Variants in LRRC3B observed in about 807,000 individuals in gnomAD.
LRRC3B encodes leucine rich repeat containing 3B.
LRRC3B carries 2 observed loss-of-function variants against 12.8 expected under a neutral mutation model. The ratio of observed to expected loss-of-function variants is 0.16; its 90% CI spans 0.06 to 0.49. The LOEUF (loss-of-function observed/expected upper bound fraction) is 0.49, where lower values mean the gene tolerates loss of function less well. Among genes scored for constraint, LRRC3B ranks in the 20% least tolerant of loss-of-function variants. The pLI, the probability that LRRC3B is intolerant of heterozygous loss-of-function variation, is 0.96. For synonymous variants in LRRC3B, 132 were observed against 122.0 expected (o/e 1.08, Z -0.54); for missense variants, 189 against 319.4 (o/e 0.59, Z 3.11).
chr3:26,635,623 A>G (rs1698852356), intron 1 of LRRC3B, among the ~76,000 whole-genome samples: 1 of 152,272 alleles, frequency 6.6e-6, no homozygotes, highest in Non-Finnish European at 1.5e-5. Flanking sequence ...CAGAACTGTG[A>G]GAAATGAATT....
intron 1 of LRRC3B, among the ~76,000 whole-genome samples, chr3:26,633,936 C>T (rs192601808): frequency 1.3e-5 from 2 of 152,252 alleles, no homozygotes; most frequent in Admixed American, 1.3e-4. Flanking sequence ...TATGTGTAAG[C>T]TCCTAATGTT....
At chr3:26,691,569 C>A (rs544216389) in intron 1 of LRRC3B, among the ~76,000 whole-genome samples, 181 of 152,292 alleles carry the variant, frequency 1.2e-3, no homozygotes, top group African/African-American at 4.2e-3. Context: ...GTGAAAATAA[C>A]TTCTCCATCC....
chr3:26,695,493 G>T (rs549630719), intron 1 of LRRC3B, among the ~76,000 whole-genome samples: 2 of 152,060 alleles, frequency 1.3e-5, no homozygotes, highest in Admixed American at 1.3e-4. Flanking sequence ...CGCCACTGCA[G>T]TCCAGCCTGG....
At chr3:26,700,382 T>C (rs1457980261) in intron 1 of LRRC3B, among the ~76,000 whole-genome samples, 1 of 152,148 alleles carries the variant, frequency 6.6e-6, no homozygotes, top group East Asian at 1.9e-4. Context: ...AACCAATGCA[T>C]GTTAAATGAG....
At chr3:26,690,034 C>T (rs1042807145) in intron 1 of LRRC3B, among the ~76,000 whole-genome samples, 1 of 152,014 alleles carries the variant, frequency 6.6e-6, no homozygotes, top group Non-Finnish European at 1.5e-5. Context: ...CTTCCTCTTA[C>T]ATGCTGTGAC....
intron 1 of LRRC3B, among the ~76,000 whole-genome samples, chr3:26,680,226 A>G (rs879485382): frequency 7.9e-5 from 12 of 152,152 alleles, no homozygotes; most frequent in Admixed American, 2.0e-4. Context: ...AGCCTTTCCA[A>G]TACCACCTCT....
intron 1 of LRRC3B, among the ~76,000 whole-genome samples, chr3:26,656,757 C>T (rs1291843774): frequency 1.3e-5 from 2 of 152,162 alleles, no homozygotes; most frequent in African/African-American, 2.4e-5. Context: ...ACAAGTTGCT[C>T]ATCTGAAAAT....
intron 1 of LRRC3B, among the ~76,000 whole-genome samples, chr3:26,700,301 GA>G (rs1700421889): frequency 6.6e-6 from 1 of 152,120 alleles, no homozygotes; most frequent in African/African-American, 2.4e-5. Context: ...GAGGGCTGGT[GA>G]GGCATTTGAA....
At chr3:26,646,715 C>A (rs1699158631) in intron 1 of LRRC3B, among the ~76,000 whole-genome samples, 2 of 150,658 alleles carry the variant, frequency 1.3e-5, no homozygotes, top group South Asian at 2.1e-4. Flanking sequence ...TGAAGAGGAT[C>A]CTGTGGAGGA....
intron 1 of LRRC3B, among the ~76,000 whole-genome samples, chr3:26,700,460 A>G (rs1244091643): frequency 1.3e-5 from 2 of 152,174 alleles, no homozygotes; most frequent in African/African-American, 2.4e-5. Flanking sequence ...GGCTTTGAGG[A>G]GTCTCCATTT....
At chr3:26,682,573 G>T (rs892267406) in intron 1 of LRRC3B, among the ~76,000 whole-genome samples, 4 of 152,136 alleles carry the variant, frequency 2.6e-5, no homozygotes, top group Non-Finnish European at 5.9e-5. Flanking sequence ...CCCCCAGGAG[G>T]TCCTGTCATT....
At chr3:26,701,002 A>G (rs571238733) in intron 1 of LRRC3B, among the ~76,000 whole-genome samples, 60 of 152,184 alleles carry the variant, frequency 3.9e-4, no homozygotes, top group African/African-American at 1.4e-3. Flanking sequence ...TATCCTCTTG[A>G]TCATTCTCTT....
chr3:26,641,080 T>C (rs1699021405), intron 1 of LRRC3B, among the ~76,000 whole-genome samples: 1 of 152,166 alleles, frequency 6.6e-6, no homozygotes, highest in Non-Finnish European at 1.5e-5. Context: ...TGAAGGAAGC[T>C]GGTGAAGAAA....
intron 1 of LRRC3B, among the ~76,000 whole-genome samples, chr3:26,646,630 A>C (rs1054964144): frequency 6.0e-4 from 71 of 117,908 alleles, no homozygotes; most frequent in South Asian, 7.8e-4. Context: ...AAAAAAAAAA[A>C]AAAAAACGGA....
chr3:26,638,060 G>A (rs1439443712), intron 1 of LRRC3B, among the ~76,000 whole-genome samples: 3 of 152,104 alleles, frequency 2.0e-5, no homozygotes, highest in Non-Finnish European at 2.9e-5. Flanking sequence ...TCTTTCCATT[G>A]ATGAAGAACA....
intron 1 of LRRC3B, among the ~76,000 whole-genome samples, chr3:26,643,014 T>TCAAAAAAAAAAAAAAAAAAAAA (rs1699063908): frequency 7.8e-6 from 1 of 128,686 alleles, no homozygotes; most frequent in African/African-American, 3.6e-5. Flanking sequence ...AGACTCCGTT[T>TCAAAAAAAAAAAAAAAAAAAAA]CAAAAAAAAA....
At chr3:26,658,148 G>T (rs1217290749) in intron 1 of LRRC3B, among the ~76,000 whole-genome samples, 2 of 152,028 alleles carry the variant, frequency 1.3e-5, no homozygotes, top group Non-Finnish European at 2.9e-5. Flanking sequence ...CACCATCTTG[G>T]CTACTGCAAG....
intron 1 of LRRC3B, among the ~76,000 whole-genome samples, chr3:26,671,636 G>T (rs185285626): frequency 3.3e-5 from 5 of 151,254 alleles, no homozygotes; most frequent in East Asian, 2.0e-4. Flanking sequence ...CTCATGGTCC[G>T]CCCGCCTTGG....
chr3:26,702,457 A>G (rs1330839247), intron 1 of LRRC3B, among the ~76,000 whole-genome samples: 2 of 150,532 alleles, frequency 1.3e-5, no homozygotes, highest in Non-Finnish European at 3.0e-5. Context: ...GCTATTCTAC[A>G]GTGTAGAGAT....
Sources: allele counts gnomAD v4.1 joint callset (sites outside exome capture counted in the v4.1 genomes callset), GRCh38; gene constraint gnomAD v4.1.1; transcripts MANE v1.5; gene names NCBI Gene and HGNC (gene_info 2026-07-23, HGNC 2026-07-21).